The following ABCA8 variants were observed in gnomAD, a reference collection of about 807,000 sequenced individuals.
ABCA8 encodes ATP binding cassette subfamily A member 8.
Under a neutral mutation model 192.3 loss-of-function variants are expected in ABCA8, and 177 were observed. The observed-to-expected ratio is 0.92, with a 90% CI of 0.81 to 1.04. The LOEUF (loss-of-function observed/expected upper bound fraction) is 1.04, where lower values mean the gene tolerates loss of function less well. ABCA8 is among the 50% of genes least tolerant of loss of function. The pLI, the probability that ABCA8 is intolerant of heterozygous loss-of-function variation, is 0.00. For missense variants in ABCA8, 1,915 were observed against 1,904.8 expected, an observed-to-expected ratio of 1.01 and a Z score of -0.10; for synonymous variants, 642 against 690.2, an observed-to-expected ratio of 0.93 and a Z score of 1.09.
chr17:68,952,553 C>A (rs530877087), intron 1 of ABCA8, among the ~76,000 whole-genome samples: 1 of 152,276 alleles, frequency 6.6e-6, no homozygotes, highest in South Asian at 2.1e-4. Flanking sequence ...ATTAACTTTG[C>A]CAATGAATTA....
chr17:68,932,266 A>G, intron 7 of ABCA8, 22 bp downstream of exon 7: 1 of 1,556,066 alleles, frequency 6.4e-7, no homozygotes, highest in Non-Finnish European at 8.8e-7. Flanking sequence ...CCGTTTATTT[A>G]TTTGTGCTGC....
At chr17:68,882,050 T>G (rs950057450) in intron 30 of ABCA8, 70 bp from the exon 31 acceptor site, 3 of 1,346,434 alleles carry the variant, frequency 2.2e-6, no homozygotes, top group African/African-American at 2.9e-5. Context: ...AAATTCCATC[T>G]TCCCATTGGC....
chr17:68,882,572 T>G, intron 30 of ABCA8, 27 bp downstream of exon 30: 1 of 1,592,442 alleles, frequency 6.3e-7, no homozygotes, highest in Non-Finnish European at 8.6e-7. Flanking sequence ...GACTGACTAA[T>G]AAAAAAACCT....
In ABCA8 at chr17:68,929,207, A is replaced by C. The variant is rs781173683; in HGVS notation, c.967T>G (p.Leu323Val). 1 of 1,602,384 alleles carries C rather than the reference A, an allele frequency of 6.2e-7. No individual in the cohort carries two copies. Among genetic ancestry groups the C allele is most frequent in the Non-Finnish European group, 8.5e-7 (1 of 1,175,122 alleles). Residue 323 changes from leucine to valine, a missense_variant, in exon 9 of 40, where the codon TTG (leucine) becomes GTG (valine). Physicochemically the swap from Leu to Val is conservative, Grantham distance 32. Transcript: ENST00000586539. ...LVALAFLMSI[L>V]VKKSFLTGLV... ...CCGGTGAGGAAAGATTTCTTTACCA[A>C]GATGCTCATTAAGAAAGCCAAAGCT...
In ABCA8 at chr17:68,919,300, C is replaced by T; in HGVS notation, c.1788+1G>A. 1.3e-6 allele frequency: 2 copies of T among 1,591,042 alleles called. No homozygotes were observed. Among genetic ancestry groups the T allele is most frequent in the Non-Finnish European group, 1.7e-6 (2 of 1,167,798 alleles). On this transcript the variant is annotated splice_donor_variant, in intron 14 of 39. Transcript: ENST00000586539. LOFTEE classifies it high-confidence loss of function. ...ACATTAACTTTAACATATTTTTGTACCTCTTTATCCACTTCTTGTGGCAGA... is the reference window on the plus strand; with the variant it reads ...ACATTAACTTTAACATATTTTTGTATCTCTTTATCCACTTCTTGTGGCAGA...
intron 4 of ABCA8, 151 bp from the exon 5 acceptor site, chr17:68,937,266 G>A (rs1384800346): frequency 6.3e-6 from 4 of 638,290 alleles, no homozygotes; most frequent in African/African-American, 1.9e-5. Flanking sequence ...AATGTTGGGT[G>A]GGAGAGAAAT....
rs956601913 is a variant in ABCA8 at position 68,924,649 on chromosome 17, A to G, written c.1442+52T>C. ...GGGAACACTGCTTGCCTCAGGTGCT[A>G]TCTCTTAGCTTCCTGCCTTTTTGCC... On this transcript the variant is annotated intron_variant, in intron 11 of 39. Coordinates refer to ENST00000586539, the MANE Select transcript of ABCA8 (RefSeq NM_001288985.2). The G allele has an allele frequency of 2.7e-5, 42 of 1,573,360 alleles. No individual in the cohort carries two copies. The Admixed American group carries it at 4.8e-4, about 18-fold the overall frequency.
intron 14 of ABCA8, 56 bp downstream of exon 14, chr17:68,919,245 A>G: frequency 2.1e-6 from 3 of 1,448,468 alleles, no homozygotes; most frequent in Non-Finnish European, 2.8e-6. Flanking sequence ...ACTCAGTGCA[A>G]ATGGTTTTAA....
intron 2 of ABCA8, among the ~76,000 whole-genome samples, chr17:68,946,836 G>C (rs916123702): frequency 6.6e-6 from 1 of 152,072 alleles, no homozygotes; most frequent in East Asian, 1.9e-4. Context: ...CGCCACTCAC[G>C]AGGCTGAGGC....
intron 10 of ABCA8, among the ~76,000 whole-genome samples, chr17:68,927,402 G>C (rs981793271): frequency 3.9e-5 from 6 of 152,134 alleles, no homozygotes; most frequent in African/African-American, 1.4e-4. Context: ...TGATACAAAT[G>C]AAAATTTATG....
At chr17:68,947,114 A>G (rs1964021495) in intron 2 of ABCA8, among the ~76,000 whole-genome samples, 5 of 152,218 alleles carry the variant, frequency 3.3e-5, no homozygotes, top group Admixed American at 3.3e-4. Context: ...GTTTCATGAT[A>G]AATAAAGGTC....
At chr17:68,894,594 G>A (rs1259227459) in intron 22 of ABCA8, among the ~76,000 whole-genome samples, 1 of 152,174 alleles carries the variant, frequency 6.6e-6, no homozygotes, top group Non-Finnish European at 1.5e-5. Context: ...CAAAACAGAA[G>A]TTTTGGAATA....
chr17:68,931,764 T>C (rs2067885652), intron 7 of ABCA8: 1 of 114,802 alleles, frequency 8.7e-6, no homozygotes, highest in Non-Finnish European at 1.6e-5. Flanking sequence ...ACATTTCCTT[T>C]TTTTTTTTTT....
At chr17:68,885,170 C>T (rs1369475133) in intron 27 of ABCA8, 26 bp downstream of exon 27, 1 of 1,602,928 alleles carries the variant, frequency 6.2e-7, no homozygotes, top group Admixed American at 1.7e-5. Flanking sequence ...TTTCAAGGGA[C>T]TGGGACAGAC....
Position 68,880,840 on chromosome 17 carries a change from A to G in ABCA8, c.4038+280T>C, listed in dbSNP as rs554113312. 2.8e-5 allele frequency: 12 copies of G among 435,232 alleles called. No individual in the cohort carries two copies. In the East Asian group the frequency reaches 5.0e-4, roughly 18 times the overall value. 27.0% of individuals were successfully genotyped at this position (435,232 alleles called of 1,614,324 possible). A position where few individuals can be genotyped will look rare whatever the true frequency, so the allele number is the denominator to read the frequency against. On this transcript the variant is annotated intron_variant, in intron 32 of 39. Transcript: ENST00000586539. ...GAGTGCAGCCTGCTGAGCTGAGTGGACAGAATGAGCCCAGCGGGTCTGAGC... is the reference window on the plus strand; with the variant it reads ...GAGTGCAGCCTGCTGAGCTGAGTGGGCAGAATGAGCCCAGCGGGTCTGAGC...
At position 68,902,874 on chromosome 17, in the gene ABCA8, A is replaced by G; in HGVS notation, c.2603T>C (p.Leu868Ser). The G allele has an allele frequency of 1.9e-6, 3 of 1,610,782 alleles. No individual in the cohort carries two copies. The highest frequency in any genetic ancestry group is 2.7e-5 in the African/African-American group (2 of 74,904). The change falls in exon 21 of 40, where the codon TTA becomes TCA. Residue 868 changes from leucine to serine, a missense_variant. Leu to Ser is a moderately radical substitution (Grantham distance 145, BLOSUM62 -2). Coordinates refer to ENST00000586539, the MANE Select transcript of ABCA8 (RefSeq NM_001288985.2). ...HERKALLALL[L>S]ILMAGFCPLL... ...AGGGCAAAATCCAGCCATTAGAATT[A>G]ATAGCCTACACAAAAGAAAATTGCC...
chr17:68,927,875 CTATT>C lies in ABCA8; in HGVS notation c.1273+37_1273+40del, dbSNP rs761358037. The C allele has an allele frequency of 2.0e-5, 28 of 1,392,002 alleles. No homozygotes were observed. The African/African-American group carries it at 2.4e-4, about 12-fold the overall frequency. The allele number at this position is 1,392,002 out of a possible 1,614,324, so 86.2% of individuals were successfully genotyped here. A position where few individuals can be genotyped will look rare whatever the true frequency, so the allele number is the denominator to read the frequency against. ...AGGAGATTTGTTTTCAGAAATAAAA[CTATT>C]TAAATGATATATGATTTTAATCATA... On this transcript the variant is annotated intron_variant, in intron 10 of 39. Transcript: ENST00000586539.
At chr17:68,901,439 C>A (rs2143473163) in intron 21 of ABCA8, among the ~76,000 whole-genome samples, 1 of 152,290 alleles carries the variant, frequency 6.6e-6, no homozygotes, top group South Asian at 2.1e-4. Context: ...ACTTGACATA[C>A]ACGATGATGC....
chr17:68,884,408 A>G lies in ABCA8; in HGVS notation c.3550-12T>C. On this transcript the variant is annotated splice_polypyrimidine_tract_variant and intron_variant, in intron 27 of 39. Coordinates refer to ENST00000586539, the MANE Select transcript of ABCA8 (RefSeq NM_001288985.2). ...GAAGAAAAGAGAAGCTGCAAAAGAA[A>G]AGACAATTGCTAAACAGGGAGTTTT... 6.3e-7 allele frequency: 1 copy of G among 1,576,526 alleles called. No individual in the cohort carries two copies. The highest frequency in any genetic ancestry group is 8.6e-7 in the Non-Finnish European group (1 of 1,167,392).
Sources: gnomAD v4.1 joint callset for allele counts (sites outside exome capture counted in the v4.1 genomes callset) on GRCh38, gnomAD v4.1.1 for gene constraint, MANE v1.5 for transcripts, NCBI Gene and HGNC (gene_info 2026-07-23, HGNC 2026-07-21) for gene names.